The following CNOT11 variants were observed in gnomAD, a reference collection of about 807,000 sequenced individuals.
The protein encoded by CNOT11 is CCR4-NOT transcription complex subunit 11.
CNOT11 carries 18 observed loss-of-function variants against 44.6 expected under a neutral mutation model. That is an observed-to-expected ratio of 0.40 (90% CI 0.28 to 0.60). CNOT11 has a LOEUF of 0.60. Among genes scored for constraint, CNOT11 ranks in the 20% least tolerant of loss-of-function variants. CNOT11 has a pLI of 0.38. For synonymous variants in CNOT11, 291 were observed against 270.9 expected (o/e 1.07, Z -0.73); for missense variants, 513 against 677.0 (o/e 0.76, Z 2.69).
chr2:101,260,435 G>T (rs1020913865), intron 2 of CNOT11, among the ~76,000 whole-genome samples: 32 of 152,290 alleles, frequency 2.1e-4, no homozygotes, highest in African/African-American at 7.5e-4. Flanking sequence ...TCTAGAGTAA[G>T]GGCTGAGAAG....
rs755477488 is a variant in CNOT11, at chr2:101,253,231, C to T, written c.267C>T (p.Ser89=). 5.0e-6 allele frequency: 8 copies of T among 1,611,320 alleles called. No individual in the cohort carries two copies. The East Asian group carries it at 1.8e-4, about 36-fold the overall frequency. The change falls in exon 1 of 7, where the codon TCC becomes TCT. Residue 89 remains serine, a synonymous_variant. Transcript: ENST00000289382. This position sits in a 1 kb window ranked among gnomAD's most constrained non-coding sequence, Gnocchi z 4.3. ...GCGGCAGCACCTTCGAGGGCCTGTC[C>T]ACCGCCTTCCACCACTACTTCAGCA... is the stretch of plus-strand genomic sequence containing the variant. ...AGGGSTFEGL[S]TAFHHYFSKA...
At chr2:101,265,994 C>T (rs767842329) in intron 4 of CNOT11, among the ~76,000 whole-genome samples, 14 of 152,264 alleles carry the variant, frequency 9.2e-5, no homozygotes, top group Non-Finnish European at 7.4e-5. Context: ...GTTTGTAGTT[C>T]GCTTTGCTCG....
intron 4 of CNOT11, 84 bp downstream of exon 4, chr2:101,265,131 C>CAAA: frequency 1.2e-5 from 12 of 961,096 alleles, no homozygotes; most frequent in Non-Finnish European, 1.8e-5. Flanking sequence ...GACAGAGTCT[C>CAAA]ACTCGGCTGC....
chr2:101,254,259 G>A (rs1315138422), intron 1 of CNOT11, among the ~76,000 whole-genome samples: 1 of 152,126 alleles, frequency 6.6e-6, no homozygotes, highest in Non-Finnish European at 1.5e-5. Flanking sequence ...GTGTAGTGGA[G>A]GAAGCACACA....
At position 101,253,309 on chromosome 2, in the gene CNOT11, C is replaced by T; in HGVS notation, c.345C>T (p.Pro115=). 6.2e-7 allele frequency: 1 copy of T among 1,609,420 alleles called. No homozygotes were observed. Among genetic ancestry groups the T allele is most frequent in the Non-Finnish European group, 8.5e-7 (1 of 1,179,348 alleles). Residue 115 remains proline (P), a synonymous_variant, in exon 1 of 7, where the codon CCC becomes CCT. Transcript: ENST00000289382. This position sits in a 1 kb window ranked among gnomAD's most constrained non-coding sequence, Gnocchi z 4.3. ...TGCTCGTCATGCTGCTCCAGCAGCCCGACCTGCTGCCTAGCGCGGCGCAGC... is the reference window on the plus strand; with the variant it reads ...TGCTCGTCATGCTGCTCCAGCAGCCTGACCTGCTGCCTAGCGCGGCGCAGC... The part of the protein sequence containing the change: ...GSVLVMLLQQ[P]DLLPSAAQRL...
At chr2:101,258,387 C>G (rs112910310) in intron 2 of CNOT11, among the ~76,000 whole-genome samples, 2 of 144,458 alleles carry the variant, frequency 1.4e-5, no homozygotes, top group African/African-American at 5.3e-5. Context: ...TACAGTGAGA[C>G]TCCATCTCAA....
Position 101,269,049 on chromosome 2 carries a change from A to C in CNOT11, c.1248A>C (p.Thr416=). ...TTCTTTTACGAAACAGACTAACTACAGCTGTTGATCTACCTCCTGAATTTA... is the reference window on the plus strand; with the variant it reads ...TTCTTTTACGAAACAGACTAACTACCGCTGTTGATCTACCTCCTGAATTTA... The part of the protein sequence containing the change: ...HSMEVVNRLT[T]AVDLPPEFIH... The change falls in exon 6 of 7, where the codon ACA becomes ACC. Residue 416 remains threonine, a synonymous_variant. Coordinates refer to ENST00000289382, the MANE Select transcript of CNOT11 (RefSeq NM_017546.5). This position sits in a 1 kb window ranked among gnomAD's most constrained non-coding sequence, Gnocchi z 4.8. 1 of 1,602,754 alleles carries C rather than the reference A, an allele frequency of 6.2e-7. No individual in the cohort carries two copies.
chr2:101,265,251 C>A (rs548330784), intron 4 of CNOT11, among the ~76,000 whole-genome samples: 12 of 152,078 alleles, frequency 7.9e-5, no homozygotes, highest in Non-Finnish European at 1.8e-4. Flanking sequence ...CAGGCATGCA[C>A]CACCATGCCC....
chr2:101,257,209 A>G lies in CNOT11; in HGVS notation c.515-582A>G, dbSNP rs561778389. On this transcript the variant is annotated intron_variant, in intron 1 of 6. Coordinates refer to ENST00000289382, the MANE Select transcript of CNOT11 (RefSeq NM_017546.5). ...GGAGTTCAAGACCAGCCTGGCCAAC[A>G]TGGTGAAACCCCGACTCGACTAAAA... 6.6e-5 allele frequency among the ~76,000 whole-genome samples: 10 copies of G among 151,470 alleles called. No individual in the cohort carries two copies. The East Asian group carries it at 2.0e-3, about 30-fold the overall frequency.
chr2:101,266,607 T>G, intron 4 of CNOT11, 70 bp from the exon 5 acceptor site: 1 of 1,185,566 alleles, frequency 8.4e-7, no homozygotes, highest in Non-Finnish European at 1.3e-6. Context: ...TTCATATACA[T>G]GGGAAAAAAA....
Position 101,253,319 on chromosome 2 carries a change from C to A in CNOT11, c.355C>A (p.Pro119Thr). The change falls in exon 1 of 7, where the codon CCT becomes ACT. Residue 119 changes from proline to threonine, a missense_variant. Physicochemically the swap from Pro to Thr is conservative, Grantham distance 38. Around this residue, in one of 4 missense-constraint regions of CNOT11, gnomAD observed 259 missense variants for 265.7 expected, o/e 0.97. Coordinates refer to ENST00000289382, the MANE Select transcript of CNOT11 (RefSeq NM_017546.5). The surrounding 1 kb of genome is among the most constrained non-coding windows in gnomAD (Gnocchi z 4.3). ...GCTGCTCCAGCAGCCCGACCTGCTG[C>A]CTAGCGCGGCGCAGCGCCTCACGGC... ...VMLLQQPDLL[P>T]SAAQRLTALY... The A allele has an allele frequency of 6.2e-7, 1 of 1,608,000 alleles. No homozygotes were observed. The highest frequency in any genetic ancestry group is 2.2e-5 in the East Asian group (1 of 44,768).
rs778015649 is a variant in CNOT11 at position 101,253,378 on chromosome 2, G to A, written c.414G>A (p.Glu138=). The change falls in exon 1 of 7, where the codon GAG becomes GAA. Residue 138 remains glutamate (E), a synonymous_variant. Transcript: ENST00000289382. The surrounding 1 kb of genome is among the most constrained non-coding windows in gnomAD (Gnocchi z 4.3). ...LYLLWEMYRT[E]PLAANPFAAS... ...TGCTCTGGGAGATGTACCGCACCGAGCCGCTGGCCGCCAACCCCTTCGCCG... is the reference window on the plus strand; with the variant it reads ...TGCTCTGGGAGATGTACCGCACCGAACCGCTGGCCGCCAACCCCTTCGCCG... The A allele has an allele frequency of 2.9e-5, 47 of 1,593,344 alleles. No individual in the cohort carries two copies. The highest frequency in any genetic ancestry group is 3.8e-5 in the Non-Finnish European group (45 of 1,176,594).
At position 101,252,972 on chromosome 2, in the gene CNOT11, G is replaced by T. The variant is rs748974138; in HGVS notation, c.8G>T (p.Gly3Val). 5 of 1,481,788 alleles carry T rather than the reference G, an allele frequency of 3.4e-6. No homozygotes were observed. The South Asian group carries it at 6.4e-5, about 19-fold the overall frequency. 91.8% of individuals were successfully genotyped at this position (1,481,788 alleles called of 1,614,324 possible). A position where few individuals can be genotyped will look rare whatever the true frequency, so the allele number is the denominator to read the frequency against. The change falls in exon 1 of 7, where the codon GGC (glycine) becomes GTC (valine). Residue 3 changes from glycine (G) to valine (V), a missense_variant. Physicochemically the swap from Gly to Val is moderately radical, Grantham distance 109. Coordinates refer to ENST00000289382, the MANE Select transcript of CNOT11 (RefSeq NM_017546.5). ...GGAAGGGGAGCGAGGTTGATGCCCG[G>T]CGGAGGGGCGAGCGCGGCGTCTGGC... MPGGGASAASGRL... is the reference protein window; with the variant it reads MPVGGASAASGRL...
Position 101,269,232 on chromosome 2 carries a change from T to C in CNOT11, c.1352T>C (p.Leu451Pro). ...CTTTTTCAGAATCGGTTGGTGCGTC[T>C]TGTGTGTGTGTTTCTCCAATCCTTG... The part of the protein sequence containing the change: ...DKYMQNRLVR[L>P]VCVFLQSLIR... Residue 451 changes from leucine (L) to proline (P), a missense_variant, in exon 7 of 7, where the codon CTT becomes CCT. Physicochemically the swap from Leu to Pro is moderately conservative, Grantham distance 98 (BLOSUM62 -3). This residue lies in a region of CNOT11 where 87 missense variants were observed against 185.4 expected (regional missense o/e 0.47). Coordinates refer to ENST00000289382, the MANE Select transcript of CNOT11 (RefSeq NM_017546.5). This position sits in a 1 kb window ranked among gnomAD's most constrained non-coding sequence, Gnocchi z 4.8. 6.2e-7 allele frequency: 1 copy of C among 1,612,072 alleles called. No homozygotes were observed. The highest frequency in any genetic ancestry group is 8.5e-7 in the Non-Finnish European group (1 of 1,178,352).
Position 101,253,048 on chromosome 2 carries a change from G to A in CNOT11, c.84G>A (p.Ser28=). Reference sequence around the variant, plus strand: ...GAGGGTCCCGGGAAGCGGCAGGGTCGGCGTCCAGGAGCGGCTTCGGGGGCT... The same window carrying A: ...GAGGGTCCCGGGAAGCGGCAGGGTCAGCGTCCAGGAGCGGCTTCGGGGGCT... ...EQRGSREAAG[S]ASRSGFGGSG... Residue 28 remains serine, a synonymous_variant, in exon 1 of 7, where the codon TCG becomes TCA. Transcript: ENST00000289382. The surrounding 1 kb of genome is among the most constrained non-coding windows in gnomAD (Gnocchi z 4.3). 1.3e-6 allele frequency: 2 copies of A among 1,515,828 alleles called. No homozygotes were observed. The highest frequency in any genetic ancestry group is 1.8e-6 in the Non-Finnish European group (2 of 1,137,768). 93.9% of individuals were successfully genotyped at this position (1,515,828 alleles called of 1,614,324 possible). A position where few individuals can be genotyped will look rare whatever the true frequency, so the allele number is the denominator to read the frequency against.
Position 101,262,653 on chromosome 2 carries a change from C to G in CNOT11, c.794C>G (p.Thr265Arg), listed in dbSNP as rs1681893209. The G allele has an allele frequency of 6.2e-7, 1 of 1,614,172 alleles. No homozygotes were observed. The highest frequency in any genetic ancestry group is 8.5e-7 in the Non-Finnish European group (1 of 1,179,996). ...GFDSSVASQI[T>R]EALVSGPKPP... Reference sequence around the variant, plus strand: ...GACAGCTCAGTTGCCTCTCAGATCACAGAAGCTTTAGTCAGCGGACCAAAG... The same window carrying G: ...GACAGCTCAGTTGCCTCTCAGATCAGAGAAGCTTTAGTCAGCGGACCAAAG... Residue 265 changes from threonine to arginine, a missense_variant, in exon 3 of 7, where the codon ACA becomes AGA. Physicochemically the swap from Thr to Arg is moderately conservative, Grantham distance 71. Transcript: ENST00000289382.
chr2:101,262,371 C>G, intron 2 of CNOT11, 168 bp from the exon 3 acceptor site: 1 of 563,728 alleles, frequency 1.8e-6, no homozygotes. Flanking sequence ...AACCTTTCAA[C>G]AACGCTAAGT....
At position 101,269,905 on chromosome 2, in the gene CNOT11, C is replaced by G. The variant is rs1427778628; in HGVS notation, c.*492C>G. On this transcript the variant is annotated 3_prime_UTR_variant, in exon 7 of 7. Transcript: ENST00000289382. The surrounding 1 kb of genome is among the most constrained non-coding windows in gnomAD (Gnocchi z 4.8). ...CTGCTTATGCACACAGCTCTTAACT[C>G]CTCATGAGGCACACAGCTCTTAACT... 6.5e-6 allele frequency: 1 copy of G among 152,780 alleles called. No homozygotes were observed. Among genetic ancestry groups the G allele is most frequent in the Non-Finnish European group, 1.5e-5 (1 of 68,530 alleles). 9.5% of individuals were successfully genotyped at this position (152,780 alleles called of 1,614,324 possible). A position where few individuals can be genotyped will look rare whatever the true frequency, so the allele number is the denominator to read the frequency against.
intron 2 of CNOT11, among the ~76,000 whole-genome samples, chr2:101,261,823 T>C (rs1442217880): frequency 6.6e-6 from 1 of 151,510 alleles, no homozygotes; most frequent in Non-Finnish European, 1.5e-5. Context: ...AGTCCATTTT[T>C]TCCTGTTGGT....
Sources: gnomAD v4.1 joint callset for allele counts (sites outside exome capture counted in the v4.1 genomes callset) on GRCh38, gnomAD v4.1.1 for gene constraint, gnomAD v4.1.1 regional missense constraint, Gnocchi (gnomAD v3.1) non-coding constraint, MANE v1.5 for transcripts, NCBI Gene and HGNC (gene_info 2026-07-23, HGNC 2026-07-21) for gene names.